Variants in GLIS3 observed in about 807,000 individuals in gnomAD.
GLIS3 encodes the protein zinc finger protein GLIS3.
GLIS3 carries 53 observed loss-of-function variants against 78.6 expected under a neutral mutation model. The ratio of observed to expected loss-of-function variants is 0.67; its 90% CI spans 0.54 to 0.85. The LOEUF is 0.85. Ranked by LOEUF, GLIS3 falls within the 40% of genes least tolerant of loss-of-function variation. The pLI, the probability that GLIS3 is intolerant of heterozygous loss-of-function variation, is 0.00. For missense variants in GLIS3, 1,703 were observed against 1,231.1 expected (o/e 1.38, Z -5.74); for synonymous variants, 684 against 509.9 (o/e 1.34, Z -4.60).
intron 4 of GLIS3, among the ~76,000 whole-genome samples, chr9:4,029,036 G>A (rs563812443): frequency 2.6e-5 from 4 of 151,926 alleles, no homozygotes; most frequent in Non-Finnish European, 5.9e-5. Flanking sequence ...TGAAGAAGGA[G>A]GTGTATTTTG....
rs549167008 is a variant in GLIS3, at chr9:3,960,746, A to G, written c.1711-23557T>C. On this transcript the variant is annotated intron_variant, in intron 4 of 10. Coordinates refer to ENST00000381971, the MANE Select transcript of GLIS3 (RefSeq NM_001042413.2). ...AACTAGCACGTGGTGAATCAACAGAATTCACCAGTAGTGAGGTCAGCACTA... is the reference window on the plus strand; with the variant it reads ...AACTAGCACGTGGTGAATCAACAGAGTTCACCAGTAGTGAGGTCAGCACTA... Among the ~76,000 whole-genome samples the G allele has an allele frequency of 1.7e-3, 266 of 152,342 alleles. 2 individuals are homozygous for G. Among genetic ancestry groups the G allele is most frequent in the African/African-American group, 6.1e-3 (255 of 41,570 alleles).
Position 4,037,527 on chromosome 9 carries a change from G to A in GLIS3, c.1710+80241C>T, listed in dbSNP as rs1485933646. 8.8e-5 allele frequency among the ~76,000 whole-genome samples: 13 copies of A among 147,470 alleles called. 1 individual carries two copies. The stretch of plus-strand genomic sequence containing the variant: ...CAAGTTCCATGCTGAGTGCTGCAGT[G>A]GGCAGATGTGTGTGCACACAACACA... On this transcript the variant is annotated intron_variant, in intron 4 of 10. Transcript: ENST00000381971.
At chr9:4,233,618 A>G (rs13300316) in intron 2 of GLIS3, among the ~76,000 whole-genome samples, 22,193 of 152,164 alleles carry the variant, frequency 0.15, 2,116 homozygotes, top group African/African-American at 0.27. Context: ...ATAGATTAGC[A>G]TAATTCTTAA....
intron 4 of GLIS3, among the ~76,000 whole-genome samples, chr9:3,950,398 G>A (rs564784777): frequency 3.3e-5 from 5 of 152,222 alleles, no homozygotes; most frequent in East Asian, 1.9e-4. Context: ...CCAAAGCCTC[G>A]CCATGGCTCA....
chr9:3,865,297 T>C (rs1657479647), intron 8 of GLIS3, among the ~76,000 whole-genome samples: 1 of 152,212 alleles, frequency 6.6e-6, no homozygotes, highest in African/African-American at 2.4e-5. Context: ...AGATAATCTC[T>C]TAGCAGCTAA....
At chr9:4,457,534 G>A in the GLIS3 span, among the ~76,000 whole-genome samples, 58 of 152,048 alleles carry the variant, frequency 3.8e-4, no homozygotes, top group African/African-American at 1.4e-3. Context: ...TTTGGGCCCT[G>A]TAATCAAATA....
chr9:4,180,611 A>AT (rs1219197851), intron 2 of GLIS3, among the ~76,000 whole-genome samples: 2 of 152,286 alleles, frequency 1.3e-5, no homozygotes, highest in Non-Finnish European at 1.5e-5. Context: ...TAATCTGAGG[A>AT]TTGTGTCCAT....
chr9:4,197,804 G>T (rs1005971764), intron 2 of GLIS3, among the ~76,000 whole-genome samples: 2 of 152,144 alleles, frequency 1.3e-5, no homozygotes, highest in African/African-American at 4.8e-5. Flanking sequence ...CTACTGGCTT[G>T]TAGGTCAAAC....
chr9:4,208,161 A>C (rs1318897120), intron 2 of GLIS3, among the ~76,000 whole-genome samples: 1 of 152,230 alleles, frequency 6.6e-6, no homozygotes, highest in South Asian at 2.1e-4. Flanking sequence ...TTGACAAAGC[A>C]GATTCTTGCC....
intron 8 of GLIS3, among the ~76,000 whole-genome samples, chr9:3,869,619 A>C (rs916863162): frequency 3.9e-5 from 6 of 152,244 alleles, no homozygotes; most frequent in African/African-American, 1.4e-4. Flanking sequence ...CCTTCTGATC[A>C]ATAAATCAAG....
chr9:4,169,144 G>A (rs1816146180), intron 2 of GLIS3, among the ~76,000 whole-genome samples: 1 of 152,098 alleles, frequency 6.6e-6, no homozygotes, highest in Admixed American at 6.6e-5. Context: ...TTCTGCAGCT[G>A]TCCAACTATC....
chr9:4,275,139 G>C (rs1465408670), intron 2 of GLIS3, among the ~76,000 whole-genome samples: 1 of 152,158 alleles, frequency 6.6e-6, no homozygotes. Context: ...GGCATGGAAA[G>C]GTGCTTATGC....
intron 4 of GLIS3, among the ~76,000 whole-genome samples, chr9:3,987,761 C>CAAAAAAAAAAAAAAAA (rs60986898): frequency 9.6e-5 from 1 of 10,462 alleles, no homozygotes; most frequent in Non-Finnish European, 1.7e-4. Flanking sequence ...CTGGATTTGG[C>CAAAAAAAAAAAAAAAA]AAAAAAAAAA....
chr9:4,114,886 C>G (rs570061656), intron 4 of GLIS3, among the ~76,000 whole-genome samples: 10 of 152,314 alleles, frequency 6.6e-5, no homozygotes, highest in African/African-American at 2.4e-4. Flanking sequence ...AGTAAGTTAA[C>G]CAAATAATAA....
intron 5 of GLIS3, among the ~76,000 whole-genome samples, chr9:3,936,302 A>G (rs865891354): frequency 2.9e-4 from 44 of 152,336 alleles, no homozygotes; most frequent in Middle Eastern, 6.8e-3. Context: ...GGCTATCAAC[A>G]TAATTGAGAA....
intron 4 of GLIS3, among the ~76,000 whole-genome samples, chr9:4,110,885 C>T (rs141202391): frequency 1.1e-4 from 17 of 152,280 alleles, no homozygotes; most frequent in African/African-American, 3.6e-4. Context: ...ATCAGACGAC[C>T]GCTTCTTTTT....
At chr9:4,405,966 A>G in the GLIS3 span, among the ~76,000 whole-genome samples, 6 of 152,258 alleles carry the variant, frequency 3.9e-5, no homozygotes, top group African/African-American at 1.4e-4. Flanking sequence ...GACAAAATCC[A>G]TATGATCATT....
At chr9:4,467,874 G>T in the GLIS3 span, among the ~76,000 whole-genome samples, 1 of 152,154 alleles carries the variant, frequency 6.6e-6, no homozygotes, top group Non-Finnish European at 1.5e-5. Flanking sequence ...CCATCACAAA[G>T]AAGCTAAAAA....
chr9:3,907,597 ACC>A (rs747018820), intron 6 of GLIS3, among the ~76,000 whole-genome samples: 1,520 of 95,538 alleles, frequency 0.016, 14 homozygotes, highest in East Asian at 0.032. Flanking sequence ...AGCATCCTCC[ACC>A]CCCCAAACAC....
Sources: gnomAD v4.1 joint callset for allele counts (sites outside exome capture counted in the v4.1 genomes callset) on GRCh38, gnomAD v4.1.1 for gene constraint, MANE v1.5 for transcripts, NCBI Gene and HGNC (gene_info 2026-07-23, HGNC 2026-07-21) for gene names.